The following ASTN2 variants were observed in gnomAD, a reference collection of about 807,000 sequenced individuals.
The protein encoded by ASTN2 is astrotactin-2.
ASTN2 carries 54 observed loss-of-function variants against 139.8 expected under a neutral mutation model. That is an observed-to-expected ratio of 0.39 (90% CI 0.31 to 0.48). ASTN2 has a LOEUF of 0.48. Ranked by LOEUF, ASTN2 falls within the 20% of genes least tolerant of loss-of-function variation. The probability of loss-of-function intolerance (pLI) is 0.95; values close to 1 mark genes in which losing one functional copy is unlikely to be tolerated. For synonymous variants in ASTN2, 756 were observed against 719.5 expected (o/e 1.05, Z -0.81); for missense variants, 1,565 against 1,725.1 (o/e 0.91, Z 1.64).
chr9:116,697,691 C>G, intron 16 of ASTN2: 1 of 1,610,130 alleles, frequency 6.2e-7, no homozygotes, highest in South Asian at 1.1e-5. Flanking sequence ...GGCATGAATA[C>G]TGTGCTGTTC....
At chr9:116,803,522 A>ATATATATATTTT (rs1554748694) in intron 13 of ASTN2, among the ~76,000 whole-genome samples, 6 of 21,116 alleles carry the variant, frequency 2.8e-4, no homozygotes, top group Admixed American at 6.6e-4. Flanking sequence ...ATATATATAT[A>ATATATATATTTT]TTTTTTTTTT....
chr9:116,939,107 T>C (rs535810612), intron 10 of ASTN2, among the ~76,000 whole-genome samples: 2 of 152,294 alleles, frequency 1.3e-5, no homozygotes, highest in African/African-American at 4.8e-5. Flanking sequence ...AGTCATGGGT[T>C]CAAATCCCGG....
At chr9:117,159,378 G>A (rs887489377) in intron 3 of ASTN2, among the ~76,000 whole-genome samples, 15 of 151,816 alleles carry the variant, frequency 9.9e-5, no homozygotes, top group African/African-American at 3.6e-4. Flanking sequence ...TTTCTCAAGC[G>A]AAAAAGAAAA....
intron 10 of ASTN2, among the ~76,000 whole-genome samples, chr9:116,972,669 TA>T (rs1243067897): frequency 2.0e-5 from 3 of 152,198 alleles, no homozygotes; most frequent in Non-Finnish European, 4.4e-5. Context: ...TTAGTTGTTT[TA>T]AATTTAGCTG....
At chr9:116,839,034 T>C (rs1239764533) in intron 11 of ASTN2, among the ~76,000 whole-genome samples, 1 of 152,232 alleles carries the variant, frequency 6.6e-6, no homozygotes, top group East Asian at 1.9e-4. Context: ...AAGTATTTGA[T>C]TTCTTTAAGT....
chr9:116,537,129 C>T (rs1490226735), intron 19 of ASTN2, among the ~76,000 whole-genome samples: 1 of 152,216 alleles, frequency 6.6e-6, no homozygotes, highest in Non-Finnish European at 1.5e-5. Context: ...ATGAGTGAGG[C>T]TCCATGGGCA....
At chr9:116,521,124 C>A (rs992320762) in intron 19 of ASTN2, among the ~76,000 whole-genome samples, 1 of 147,994 alleles carries the variant, frequency 6.8e-6, no homozygotes, top group Non-Finnish European at 1.5e-5. Context: ...AAAATACCAA[C>A]ACCATTCTTC....
intron 5 of ASTN2, among the ~76,000 whole-genome samples, chr9:117,072,610 C>G (rs1182427687): frequency 6.6e-6 from 1 of 152,124 alleles, no homozygotes; most frequent in Non-Finnish European, 1.5e-5. Context: ...AGTCAGGGCC[C>G]TTTGTAGCAT....
chr9:116,790,829 C>A (rs1830509155), intron 13 of ASTN2, among the ~76,000 whole-genome samples: 1 of 151,258 alleles, frequency 6.6e-6, no homozygotes, highest in African/African-American at 2.4e-5. Context: ...CATGCGCCAC[C>A]ACGCTGGGCT....
chr9:116,845,335 G>A (rs550920557), intron 11 of ASTN2, among the ~76,000 whole-genome samples: 1 of 152,228 alleles, frequency 6.6e-6, no homozygotes, highest in Non-Finnish European at 1.5e-5. Context: ...TAACCAGGAT[G>A]GTCTCGGTCT....
At chr9:117,390,460 C>G (rs560041768) in intron 1 of ASTN2, among the ~76,000 whole-genome samples, 2 of 152,178 alleles carry the variant, frequency 1.3e-5, no homozygotes, top group Non-Finnish European at 2.9e-5. Context: ...CATACAGAAT[C>G]GTTTCACTGC....
intron 17 of ASTN2, among the ~76,000 whole-genome samples, chr9:116,638,920 A>C (rs1351233939): frequency 6.6e-6 from 1 of 152,224 alleles, no homozygotes; most frequent in Non-Finnish European, 1.5e-5. Flanking sequence ...TTATCTTTTG[A>C]GTGTTTATGT....
At chr9:117,281,377 G>A (rs371553847) in intron 2 of ASTN2, among the ~76,000 whole-genome samples, 23 of 152,282 alleles carry the variant, frequency 1.5e-4, no homozygotes, top group Middle Eastern at 3.4e-3. Flanking sequence ...CCAAAACCAC[G>A]TGATTCCCAC....
intron 10 of ASTN2, among the ~76,000 whole-genome samples, chr9:116,960,636 A>G (rs1835851275): frequency 6.6e-6 from 1 of 152,026 alleles, no homozygotes; most frequent in Non-Finnish European, 1.5e-5. Context: ...ACTAGATACC[A>G]ATAGCACCCT....
chr9:117,171,999 T>G (rs946092080), intron 3 of ASTN2, among the ~76,000 whole-genome samples: 1 of 152,116 alleles, frequency 6.6e-6, no homozygotes. Context: ...AAACATGATG[T>G]TTTGAGTGAA....
intron 5 of ASTN2, among the ~76,000 whole-genome samples, chr9:117,071,116 C>G (rs1280390128): frequency 1.1e-4 from 16 of 148,038 alleles, no homozygotes; most frequent in African/African-American, 3.7e-4. Flanking sequence ...TTTTTCTGTT[C>G]TGTTTTTTTC....
intron 10 of ASTN2, among the ~76,000 whole-genome samples, chr9:116,888,516 T>C (rs1011415092): frequency 1.3e-5 from 2 of 152,032 alleles, no homozygotes; most frequent in African/African-American, 4.8e-5. Flanking sequence ...CAGAGGTTCT[T>C]TCTTTTGTTT....
chr9:117,191,403 T>A (rs1343372417), intron 3 of ASTN2, among the ~76,000 whole-genome samples: 1 of 151,930 alleles, frequency 6.6e-6, no homozygotes, highest in Non-Finnish European at 1.5e-5. Flanking sequence ...ACAGAAAAAA[T>A]TAGTAAAAAG....
At chr9:116,683,543 G>C (rs1161349288) in intron 16 of ASTN2, among the ~76,000 whole-genome samples, 1 of 152,114 alleles carries the variant, frequency 6.6e-6, no homozygotes. Flanking sequence ...GCAGGTCTCA[G>C]ATAACTTTAA....
Sources: gnomAD v4.1 joint callset for allele counts (sites outside exome capture counted in the v4.1 genomes callset) on GRCh38, gnomAD v4.1.1 for gene constraint, MANE v1.5 for transcripts, NCBI Gene and HGNC (gene_info 2026-07-23, HGNC 2026-07-21) for gene names.